The following SMCHD1 variants were observed in gnomAD, a reference collection of about 807,000 sequenced individuals.
SMCHD1 encodes the protein structural maintenance of chromosomes flexible hinge domain-containing protein 1.
In SMCHD1, 78 loss-of-function variants were observed where a neutral mutation model predicts 254.7. The ratio of observed to expected loss-of-function variants is 0.31; its 90% CI spans 0.26 to 0.37. The LOEUF (loss-of-function observed/expected upper bound fraction) is 0.37, where lower values mean the gene tolerates loss of function less well. Ranked by LOEUF, SMCHD1 falls within the 10% of genes least tolerant of loss-of-function variation. The probability of loss-of-function intolerance (pLI) is 1.00; values close to 1 mark genes in which losing one functional copy is unlikely to be tolerated. For missense variants in SMCHD1, 1,840 were observed against 2,408.1 expected, an observed-to-expected ratio of 0.76 and a Z score of 4.94; for synonymous variants, 766 against 794.9, an observed-to-expected ratio of 0.96 and a Z score of 0.61.
intron 45 of SMCHD1, among the ~76,000 whole-genome samples, chr18:2,791,057 A>G (rs946672744): frequency 6.6e-6 from 1 of 152,224 alleles, no homozygotes. Context: ...AGAAAGTTAT[A>G]AAATTAGCAT....
intron 47 of SMCHD1, among the ~76,000 whole-genome samples, 171 bp from the exon 48 acceptor site, chr18:2,802,357 A>C (rs953344843): frequency 2.0e-5 from 3 of 152,166 alleles, no homozygotes; most frequent in Non-Finnish European, 4.4e-5. Context: ...TTTTGCATAC[A>C]TGTGAAGGAA....
chr18:2,743,977 A>T, intron 29 of SMCHD1, 49 bp downstream of exon 29: 1 of 1,427,182 alleles, frequency 7.0e-7, no homozygotes, highest in Non-Finnish European at 9.5e-7. Context: ...CATATGGCTT[A>T]TTACTTTCAG....
At chr18:2,698,815 T>G (rs2074338490) in intron 10 of SMCHD1, among the ~76,000 whole-genome samples, 1 of 151,612 alleles carries the variant, frequency 6.6e-6, no homozygotes, top group Non-Finnish European at 1.5e-5. Flanking sequence ...TTCCCATAAG[T>G]ACATAGGTCT....
chr18:2,721,105 C>G (rs2074917015), intron 19 of SMCHD1, among the ~76,000 whole-genome samples: 1 of 152,206 alleles, frequency 6.6e-6, no homozygotes. Context: ...TTCAATTTCA[C>G]TACAACTTTA....
intron 36 of SMCHD1, among the ~76,000 whole-genome samples, chr18:2,762,834 A>G (rs2000617): frequency 0.2 from 30,891 of 152,070 alleles, 3,378 homozygotes; most frequent in South Asian, 0.33. Flanking sequence ...TAGTGTATCT[A>G]TCACGAATGA....
chr18:2,672,855 A>G (rs549366903), intron 3 of SMCHD1, among the ~76,000 whole-genome samples: 1 of 152,296 alleles, frequency 6.6e-6, no homozygotes, highest in South Asian at 2.1e-4. Flanking sequence ...GCAGTATAGG[A>G]AATTTAAAAA....
intron 8 of SMCHD1, among the ~76,000 whole-genome samples, chr18:2,695,830 G>A (rs1023700627): frequency 6.6e-6 from 1 of 151,888 alleles, no homozygotes; most frequent in Non-Finnish European, 1.5e-5. Flanking sequence ...TTTTTTTATG[G>A]GAAAATAAAT....
chr18:2,714,062 A>G (rs947938126), intron 17 of SMCHD1, among the ~76,000 whole-genome samples: 1 of 152,200 alleles, frequency 6.6e-6, no homozygotes, highest in African/African-American at 2.4e-5. Flanking sequence ...AACGTTTTCT[A>G]TCTCCATGAT....
intron 34 of SMCHD1, among the ~76,000 whole-genome samples, chr18:2,755,806 A>G (rs1489127439): frequency 6.6e-6 from 1 of 151,598 alleles, no homozygotes; most frequent in Non-Finnish European, 1.5e-5. Flanking sequence ...TGACATTGTG[A>G]TCCACCCGCC....
intron 34 of SMCHD1, among the ~76,000 whole-genome samples, chr18:2,760,023 A>G (rs1206014142): frequency 6.6e-6 from 1 of 152,206 alleles, no homozygotes; most frequent in African/African-American, 2.4e-5. Flanking sequence ...TTTGTACTGC[A>G]TTGAGCCGGT....
chr18:2,745,139 G>A (rs1224406400), intron 29 of SMCHD1, among the ~76,000 whole-genome samples: 2 of 151,918 alleles, frequency 1.3e-5, no homozygotes, highest in Non-Finnish European at 2.9e-5. Context: ...CACTGCACCC[G>A]GCCAGGACTT....
intron 7 of SMCHD1, 78 bp from the exon 8 acceptor site, chr18:2,694,449 T>G (rs1465643136): frequency 8.1e-7 from 1 of 1,234,638 alleles, no homozygotes; most frequent in African/African-American, 1.5e-5. Flanking sequence ...TAAATCACAT[T>G]AAAATTTGAT....
chr18:2,664,984 C>A (rs2073395672), intron 1 of SMCHD1, among the ~76,000 whole-genome samples: 1 of 152,154 alleles, frequency 6.6e-6, no homozygotes, highest in African/African-American at 2.4e-5. Context: ...TTATTAATAT[C>A]ATTTTTGAAG....
intron 47 of SMCHD1, among the ~76,000 whole-genome samples, chr18:2,798,728 G>C (rs1329175294): frequency 1.3e-5 from 2 of 152,170 alleles, no homozygotes; most frequent in East Asian, 3.8e-4. Context: ...GCTTGAAATA[G>C]GAAATTCACT....
Position 2,752,476 on chromosome 18 carries a change from TC to T in SMCHD1, c.4282-8del. 6.3e-7 allele frequency: 1 copy of T among 1,587,952 alleles called. No homozygotes were observed. Among genetic ancestry groups the T allele is most frequent in the Non-Finnish European group, 8.6e-7 (1 of 1,156,966 alleles). On this transcript the variant is annotated splice_polypyrimidine_tract_variant and intron_variant, in intron 33 of 47. Transcript: ENST00000320876. ...TTTCCCCTCTCCCCTTCTCTCCTAC[TC>T]CCCTTTCTAGGCAGAAACATTTAGT...
At chr18:2,750,999 G>A (rs568893147) in intron 32 of SMCHD1, among the ~76,000 whole-genome samples, 40 of 152,036 alleles carry the variant, frequency 2.6e-4, no homozygotes, top group Admixed American at 6.5e-4. Flanking sequence ...ATATGCTATC[G>A]AAAATCATAC....
chr18:2,725,044 C>T, intron 21 of SMCHD1, 49 bp downstream of exon 21: 1 of 1,099,524 alleles, frequency 9.1e-7, no homozygotes, highest in South Asian at 1.9e-5. Context: ...ATTTATTTAT[C>T]ATATGGTAAG....
chr18:2,667,214 G>GA (rs1017657797), intron 3 of SMCHD1, among the ~76,000 whole-genome samples, 183 bp downstream of exon 3: 9 of 151,492 alleles, frequency 5.9e-5, no homozygotes, highest in African/African-American at 1.9e-4. Flanking sequence ...CATCTTCAGT[G>GA]AAAAAAAACT....
chr18:2,689,360 G>A (rs930393315), intron 7 of SMCHD1, among the ~76,000 whole-genome samples: 7 of 151,442 alleles, frequency 4.6e-5, no homozygotes, highest in Admixed American at 4.0e-4. Flanking sequence ...TGGGATTACA[G>A]GTGCCTGCCA....
Sources: gnomAD v4.1 joint callset for allele counts (sites outside exome capture counted in the v4.1 genomes callset) on GRCh38, gnomAD v4.1.1 for gene constraint, MANE v1.5 for transcripts, NCBI Gene and HGNC (gene_info 2026-07-23, HGNC 2026-07-21) for gene names.